The following PCDHGA12 variants were observed in gnomAD, a reference collection of about 807,000 sequenced individuals.
PCDHGA12 encodes protocadherin gamma-A12.
PCDHGA12 carries 43 observed loss-of-function variants against 61.1 expected under a neutral mutation model. The ratio of observed to expected loss-of-function variants is 0.70; its 90% CI spans 0.55 to 0.91. The LOEUF (loss-of-function observed/expected upper bound fraction) is 0.91. Among genes scored for constraint, PCDHGA12 ranks in the 40% least tolerant of loss-of-function variants. PCDHGA12 has a pLI of 0.00. For synonymous variants in PCDHGA12, 520 were observed against 542.9 expected, an observed-to-expected ratio of 0.96 and a Z score of 0.59; for missense variants, 1,236 against 1,227.7, an observed-to-expected ratio of 1.01 and a Z score of -0.10.
intron 1 of PCDHGA12, chr5:141,441,078 G>T (rs1443239760): frequency 2.0e-5 from 3 of 152,140 alleles, no homozygotes; most frequent in Non-Finnish European, 4.4e-5. Context: ...CCATGGTTTT[G>T]GTAGCAAGTG....
At chr5:141,438,305 G>T (rs1287488865) in intron 1 of PCDHGA12, among the ~76,000 whole-genome samples, 2 of 151,822 alleles carry the variant, frequency 1.3e-5, no homozygotes, top group East Asian at 1.9e-4. Context: ...AAAGAAGTTG[G>T]TACCACCATA....
At chr5:141,478,355 G>T (rs1193169527) in intron 1 of PCDHGA12, 7 of 1,613,742 alleles carry the variant, frequency 4.3e-6, no homozygotes, top group Non-Finnish European at 5.1e-6. Flanking sequence ...CGCGGACGCC[G>T]TGCGGGGAGG....
intron 1 of PCDHGA12, among the ~76,000 whole-genome samples, chr5:141,438,498 CAT>C (rs2097963931): frequency 6.7e-6 from 1 of 149,704 alleles, no homozygotes; most frequent in African/African-American, 2.5e-5. Context: ...AAAAAAGAAT[CAT>C]AGTGCAAAAC....
rs756144117 is a variant in PCDHGA12, at chr5:141,485,181, G to A, written c.2425-9626G>A. On this transcript the variant is annotated intron_variant, in intron 1 of 3. Transcript: ENST00000252085. This position sits in a 1 kb window ranked among gnomAD's most constrained non-coding sequence, Gnocchi z 5.7. ...AATTAGCGGGCGGCAGCAATGCTCC[G>A]CAAGGTGAGAAGCTGGACAGAAATC... 3.1e-6 allele frequency: 5 copies of A among 1,612,942 alleles called. No individual in the cohort carries two copies. The South Asian group carries it at 4.4e-5, about 14-fold the overall frequency.
chr5:141,478,590 A>T, intron 1 of PCDHGA12: 1 of 1,573,342 alleles, frequency 6.4e-7, no homozygotes, highest in South Asian at 1.1e-5. Flanking sequence ...GTGCTTTTTT[A>T]TTCCTACATC....
chr5:141,486,498 T>C lies in PCDHGA12; in HGVS notation c.2425-8309T>C, dbSNP rs755907391. On this transcript the variant is annotated intron_variant, in intron 1 of 3. Coordinates refer to ENST00000252085, the MANE Select transcript of PCDHGA12 (RefSeq NM_003735.3). The surrounding 1 kb of genome is among the most constrained non-coding windows in gnomAD (Gnocchi z 5.0). The stretch of plus-strand genomic sequence containing the variant: ...CCTCTCAGTACCCACAGAACTATTT[T>C]CCTCAATATTTCAGATGTGAATGAT... 6.2e-7 allele frequency: 1 copy of C among 1,614,030 alleles called. No individual in the cohort carries two copies. The highest frequency in any genetic ancestry group is 8.5e-7 in the Non-Finnish European group (1 of 1,179,874).
chr5:141,511,265 A>G lies in PCDHGA12; in HGVS notation c.*92A>G. On this transcript the variant is annotated 3_prime_UTR_variant, in exon 4 of 4. Coordinates refer to ENST00000252085, the MANE Select transcript of PCDHGA12 (RefSeq NM_003735.3). ...ACCCAGGCCTCAGAGTTTCAGGGCT[A>G]ACCCCCAGAATACTGGTAGGGGCCA... The G allele has an allele frequency of 6.4e-7, 1 of 1,551,730 alleles. No individual in the cohort carries two copies. Among genetic ancestry groups the G allele is most frequent in the South Asian group, 1.2e-5 (1 of 83,132 alleles).
chr5:141,484,941 C>T (rs2099604065), intron 1 of PCDHGA12: 2 of 543,888 alleles, frequency 3.7e-6, no homozygotes, highest in East Asian at 6.3e-5. Context: ...ACGTTCTCTG[C>T]TCAGCCTATT....
In PCDHGA12 at chr5:141,433,172, G is replaced by C. The variant is rs147848043; in HGVS notation, c.2413G>C (p.Gly805Arg). 533 of 1,610,720 alleles carry C rather than the reference G, an allele frequency of 3.3e-4. 5 individuals carry two copies. In the South Asian group the frequency reaches 5.0e-3, roughly 15 times the overall value. Residue 805 changes from glycine to arginine, a missense_variant, in exon 1 of 4, where the codon GGG (glycine) becomes CGG (arginine). Transcript: ENST00000252085. ...TTCGGTATTTTCTAAAGACAGTCAT[G>C]GGTTAATTGAGGTGAGTTTATATCA... ...GDSVFSKDSH[G>R]LIEQAPPNTD...
intron 1 of PCDHGA12, among the ~76,000 whole-genome samples, chr5:141,459,221 G>A (rs1028895845): frequency 9.2e-5 from 14 of 152,154 alleles, no homozygotes; most frequent in African/African-American, 3.1e-4. Flanking sequence ...TCCAGCTCCA[G>A]GCAACAACTG....
chr5:141,505,277 G>A, intron 2 of PCDHGA12, 116 bp from the exon 3 acceptor site: 1 of 1,539,958 alleles, frequency 6.5e-7, no homozygotes, highest in African/African-American at 1.4e-5. Context: ...AGAGAAACAG[G>A]TCTTGGGCAT....
chr5:141,437,306 C>T (rs1462689998), intron 1 of PCDHGA12, among the ~76,000 whole-genome samples: 1 of 152,104 alleles, frequency 6.6e-6, no homozygotes, highest in Non-Finnish European at 1.5e-5. Flanking sequence ...CAAGTTAAAG[C>T]GTTCAGCTAT....
Position 141,432,911 on chromosome 5 carries a change from C to G in PCDHGA12, c.2152C>G (p.Arg718Gly). 5 of 1,614,176 alleles carry G rather than the reference C, an allele frequency of 3.1e-6. No homozygotes were observed. Among genetic ancestry groups the G allele is most frequent in the Non-Finnish European group, 4.2e-6 (5 of 1,180,014 alleles). Reference sequence around the variant, plus strand: ...CTTGCTGCTGGCGCTCAGGCTGCGGCGCTGGCACAAGTCACGCCTGCTGCA... The same window carrying G: ...CTTGCTGCTGGCGCTCAGGCTGCGGGGCTGGCACAAGTCACGCCTGCTGCA... The part of the protein sequence containing the change: ...VILLLALRLR[R>G]WHKSRLLQAS... Residue 718 changes from arginine to glycine, a missense_variant, in exon 1 of 4, where the codon CGC becomes GGC. Transcript: ENST00000252085. This position sits in a 1 kb window ranked among gnomAD's most constrained non-coding sequence, Gnocchi z 6.0.
chr5:141,481,924 A>G (rs1189494301), intron 1 of PCDHGA12, among the ~76,000 whole-genome samples: 1 of 151,648 alleles, frequency 6.6e-6, no homozygotes, highest in Non-Finnish European at 1.5e-5. Context: ...AAAAAAAAAA[A>G]AAAAAAAAAA....
At position 141,512,114 on chromosome 5, in the gene PCDHGA12, C is replaced by T. The variant is rs2099884080; in HGVS notation, c.*941C>T. ...TAACTAGGCTGGACCCTTCCCACTA[C>T]ATAATAGGGCTCAGCCCAGGCAGCC... On this transcript the variant is annotated 3_prime_UTR_variant, in exon 4 of 4. Coordinates refer to ENST00000252085, the MANE Select transcript of PCDHGA12 (RefSeq NM_003735.3). 2 of 152,696 alleles carry T rather than the reference C, an allele frequency of 1.3e-5. No homozygotes were observed. Among genetic ancestry groups the T allele is most frequent in the African/African-American group, 4.8e-5 (2 of 41,468 alleles). 9.5% of individuals were successfully genotyped at this position (152,696 alleles called of 1,614,324 possible).
rs1207647899 is a variant in PCDHGA12, at chr5:141,491,938, C to T, written c.2425-2869C>T. The T allele has an allele frequency of 1.6e-5, 19 of 1,199,190 alleles. No homozygotes were observed. Among genetic ancestry groups the T allele is most frequent in the Non-Finnish European group, 2.1e-5 (18 of 875,372 alleles). 74.3% of individuals were successfully genotyped at this position (1,199,190 alleles called of 1,614,324 possible). ...TGTGGGCGAGGGGAGGTGGGACCGA[C>T]CCCCACCCCTACACTCAAAAAAGGC... is the stretch of plus-strand genomic sequence containing the variant. On this transcript the variant is annotated intron_variant, in intron 1 of 3. Coordinates refer to ENST00000252085, the MANE Select transcript of PCDHGA12 (RefSeq NM_003735.3). This position sits in a 1 kb window ranked among gnomAD's most constrained non-coding sequence, Gnocchi z 6.9.
At chr5:141,499,025 G>A (rs561539084) in intron 2 of PCDHGA12, among the ~76,000 whole-genome samples, 4 of 140,712 alleles carry the variant, frequency 2.8e-5, no homozygotes, top group Admixed American at 1.4e-4. Context: ...AGGAAGGAAG[G>A]AAGAAAAGAA....
intron 2 of PCDHGA12, among the ~76,000 whole-genome samples, chr5:141,501,942 C>T (rs1012840550): frequency 2.6e-5 from 4 of 152,136 alleles, no homozygotes; most frequent in Non-Finnish European, 4.4e-5. Context: ...CACCACTGCT[C>T]CCTGTGACAG....
At chr5:141,469,951 T>G (rs1467717372) in intron 1 of PCDHGA12, among the ~76,000 whole-genome samples, 2 of 152,034 alleles carry the variant, frequency 1.3e-5, no homozygotes, top group African/African-American at 4.8e-5. Context: ...GCCAGCATGG[T>G]GAAACCCCAT....
Sources: allele counts gnomAD v4.1 joint callset (sites outside exome capture counted in the v4.1 genomes callset), GRCh38; gene constraint gnomAD v4.1.1; non-coding constraint Gnocchi (gnomAD v3.1); transcripts MANE v1.5; gene names NCBI Gene and HGNC (gene_info 2026-07-23, HGNC 2026-07-21).